Variants in PITPNM2 observed in about 807,000 individuals in gnomAD.
PITPNM2 encodes the protein membrane-associated phosphatidylinositol transfer protein 2.
PITPNM2 carries 35 observed loss-of-function variants against 132.2 expected under a neutral mutation model. That is an observed-to-expected ratio of 0.26 (90% CI 0.20 to 0.35). The LOEUF (loss-of-function observed/expected upper bound fraction) is 0.35. Among genes scored for constraint, PITPNM2 ranks in the 10% least tolerant of loss-of-function variants. The pLI, the probability that PITPNM2 is intolerant of heterozygous loss-of-function variation, is 1.00. For missense variants in PITPNM2, 1,332 were observed against 1,912.0 expected, an observed-to-expected ratio of 0.70 and a Z score of 5.66; for synonymous variants, 738 against 799.2, an observed-to-expected ratio of 0.92 and a Z score of 1.29.
rs563690300 is a variant in PITPNM2 at position 122,992,344 on chromosome 12, C to G, written c.2404+155G>C. Among the ~76,000 whole-genome samples, 15 of 140,586 alleles carry G rather than the reference C, an allele frequency of 1.1e-4. No individual in the cohort carries two copies. The highest frequency in any genetic ancestry group is 2.2e-4 in the Non-Finnish European group (14 of 64,178). The allele number at this position is 140,586 out of a possible 152,430, so 92.2% of individuals were successfully genotyped here. On this transcript the variant is annotated intron_variant, in intron 16 of 25. Coordinates refer to ENST00000320201, the MANE Select transcript of PITPNM2 (RefSeq NM_020845.3). This position sits in a 1 kb window ranked among gnomAD's most constrained non-coding sequence, Gnocchi z 6.5. ...TGCGGAGGGATGCACCACCCCCACC[C>G]CCCACCCCCAACAGCTGTCCACCTC... is the stretch of plus-strand genomic sequence containing the variant.
chr12:123,123,281 C>T (rs913526823), intron 1 of PITPNM2, among the ~76,000 whole-genome samples: 2 of 152,136 alleles, frequency 1.3e-5, no homozygotes, highest in Admixed American at 1.3e-4. Flanking sequence ...AAAGCAGATG[C>T]ACAACAATAG....
chr12:123,104,994 C>T (rs949486732), intron 2 of PITPNM2, among the ~76,000 whole-genome samples: 1 of 152,096 alleles, frequency 6.6e-6, no homozygotes, highest in Non-Finnish European at 1.5e-5. Context: ...CCTGCAAAGC[C>T]CTGATCTAAC....
At chr12:123,130,929 G>T (rs2043249022) in intron 1 of PITPNM2, among the ~76,000 whole-genome samples, 1 of 152,086 alleles carries the variant, frequency 6.6e-6, no homozygotes, top group South Asian at 2.1e-4. Context: ...AAATAGGAGA[G>T]GCTTGGACAG....
Position 123,010,871 on chromosome 12 carries a change from G to C in PITPNM2, c.416-794C>G, listed in dbSNP as rs147176844. ...AAGAGATGTCTGAAGAGGCCTACAG[G>C]GGGTGTCTGGCCAAGCTTGCTCCAG... On this transcript the variant is annotated intron_variant, in intron 5 of 25. Transcript: ENST00000320201. 305 of 153,726 alleles carry C rather than the reference G, an allele frequency of 2.0e-3. 1 individual carries two copies. The highest frequency in any genetic ancestry group is 7.1e-3 in the African/African-American group (296 of 41,624). The allele number at this position is 153,726 out of a possible 1,614,324, so 9.5% of individuals were successfully genotyped here. A position where few individuals can be genotyped will look rare whatever the true frequency, so the allele number is the denominator to read the frequency against.
At chr12:123,017,428 G>A (rs1169856005) in intron 3 of PITPNM2, among the ~76,000 whole-genome samples, 5 of 151,692 alleles carry the variant, frequency 3.3e-5, no homozygotes, top group Non-Finnish European at 7.4e-5. Context: ...ATTACCATAT[G>A]ACCAGCAATT....
chr12:123,002,631 T>C (rs1011892397), intron 8 of PITPNM2, among the ~76,000 whole-genome samples: 12 of 152,332 alleles, frequency 7.9e-5, no homozygotes, highest in Admixed American at 5.9e-4. Flanking sequence ...TTACCCTAGT[T>C]GGTCTTGAGC....
chr12:123,059,901 C>T lies in PITPNM2; in HGVS notation c.-95-25216G>A, dbSNP rs983519471. On this transcript the variant is annotated intron_variant, in intron 2 of 25. Transcript: ENST00000320201. ...TTTTAGAACTAGATAAAGGTGGTGG[C>T]TGCACAATCTTGTATGCATACTATA... 9.2e-5 allele frequency among the ~76,000 whole-genome samples: 14 copies of T among 152,224 alleles called. 1 individual carries two copies. The highest frequency in any genetic ancestry group is 8.5e-4 in the Admixed American group (13 of 15,278).
chr12:123,010,123 C>T (rs758898359), intron 5 of PITPNM2, 46 bp from the exon 6 acceptor site: 1 of 1,474,296 alleles, frequency 6.8e-7, no homozygotes, highest in South Asian at 1.1e-5. Context: ...TGACCTCAAC[C>T]CCCACCCACA....
At chr12:123,107,324 C>T (rs573988787) in intron 2 of PITPNM2, among the ~76,000 whole-genome samples, 2 of 152,352 alleles carry the variant, frequency 1.3e-5, no homozygotes, top group East Asian at 3.9e-4. Context: ...CTCACCAATG[C>T]CGAATGGCAA....
rs2040264694 is a variant in PITPNM2 at position 123,036,288 on chromosome 12, C to T, written c.-95-1603G>A. On this transcript the variant is annotated intron_variant, in intron 2 of 25. Coordinates refer to ENST00000320201, the MANE Select transcript of PITPNM2 (RefSeq NM_020845.3). This position sits in a 1 kb window ranked among gnomAD's most constrained non-coding sequence, Gnocchi z 4.1. ...TTAAAAGAAGTTCTTAAATAAGCCA[C>T]TTAGGGAGAAAGACAGAGAGAGGAA... Among the ~76,000 whole-genome samples the T allele has an allele frequency of 6.6e-6, 1 of 152,330 alleles. No individual in the cohort carries two copies. Among genetic ancestry groups the T allele is most frequent in the Admixed American group, 6.5e-5 (1 of 15,308 alleles).
rs141557626 is a variant in PITPNM2 at position 123,110,654 on chromosome 12, T to C, written c.-199-166A>G. On this transcript the variant is annotated intron_variant, in intron 1 of 25. Transcript: ENST00000320201. ...ACAAAGGGACCCAGCCCAGGACGATTCAGGAAGCAAGTGTCTAACTCAGAA... is the reference window on the plus strand; with the variant it reads ...ACAAAGGGACCCAGCCCAGGACGATCCAGGAAGCAAGTGTCTAACTCAGAA... Among the ~76,000 whole-genome samples, 269 of 152,272 alleles carry C rather than the reference T, an allele frequency of 1.8e-3. 2 individuals carry two copies. The highest frequency in any genetic ancestry group is 6.1e-3 in the African/African-American group (253 of 41,546).
chr12:123,038,601 G>A (rs140849991), intron 2 of PITPNM2, among the ~76,000 whole-genome samples: 1 of 152,370 alleles, frequency 6.6e-6, no homozygotes, highest in African/African-American at 2.4e-5. Flanking sequence ...GATTCTGCTC[G>A]GCAGAGCTGA....
At chr12:123,050,020 G>A (rs529411922) in intron 2 of PITPNM2, among the ~76,000 whole-genome samples, 6 of 152,322 alleles carry the variant, frequency 3.9e-5, no homozygotes, top group South Asian at 2.1e-4. Context: ...AATAGTGCAC[G>A]CTCCCTGCCA....
chr12:123,116,681 G>A (rs1409835853), intron 1 of PITPNM2, among the ~76,000 whole-genome samples: 1 of 150,542 alleles, frequency 6.6e-6, no homozygotes, highest in Non-Finnish European at 1.5e-5. Context: ...GGAGAGGAGT[G>A]AGGAGAATGA....
chr12:122,998,074 C>T (rs1213127150), intron 10 of PITPNM2, among the ~76,000 whole-genome samples: 1 of 152,192 alleles, frequency 6.6e-6, no homozygotes, highest in Non-Finnish European at 1.5e-5. Context: ...CTGAGAATGG[C>T]TGGGGTCAGG....
chr12:123,066,558 T>TG (rs1208473829), intron 2 of PITPNM2, among the ~76,000 whole-genome samples: 4 of 152,080 alleles, frequency 2.6e-5, no homozygotes, highest in Non-Finnish European at 5.9e-5. Flanking sequence ...GACTGAGAGC[T>TG]GGGAGACAGA....
chr12:123,063,461 T>G (rs1299703769), intron 2 of PITPNM2, among the ~76,000 whole-genome samples: 1 of 152,216 alleles, frequency 6.6e-6, no homozygotes, highest in Non-Finnish European at 1.5e-5. Context: ...AGGAAGTGCT[T>G]GCTGACTCTG....
intron 3 of PITPNM2, among the ~76,000 whole-genome samples, chr12:123,018,782 C>CTTTTTTTTTTTTTTTT (rs57520928): frequency 8.2e-6 from 1 of 121,436 alleles, no homozygotes; most frequent in African/African-American, 3.4e-5. Flanking sequence ...CTTTCCTTTC[C>CTTTTTTTTTTTTTTTT]TTTTTTTTTT....
Position 123,059,053 on chromosome 12 carries a change from A to G in PITPNM2, c.-95-24368T>C, listed in dbSNP as rs187291427. 8.5e-5 allele frequency among the ~76,000 whole-genome samples: 13 copies of G among 152,318 alleles called. No individual in the cohort carries two copies. In the East Asian group the frequency reaches 2.5e-3, roughly 29 times the overall value. On this transcript the variant is annotated intron_variant, in intron 2 of 25. Coordinates refer to ENST00000320201, the MANE Select transcript of PITPNM2 (RefSeq NM_020845.3). ...ACAGCGAGGTGCTCTACAGATCTCC[A>G]TAAGTACTTAGGAGAGGCACAGCTG...
Sources: allele counts gnomAD v4.1 joint callset (sites outside exome capture counted in the v4.1 genomes callset), GRCh38; gene constraint gnomAD v4.1.1; non-coding constraint Gnocchi (gnomAD v3.1); transcripts MANE v1.5; gene names NCBI Gene and HGNC (gene_info 2026-07-23, HGNC 2026-07-21).